Variants in HTT observed in about 807,000 individuals in gnomAD.
HTT encodes the protein huntingtin.
HTT carries 104 observed loss-of-function variants against 362.3 expected under a neutral mutation model. The ratio of observed to expected loss-of-function variants is 0.29; its 90% CI spans 0.24 to 0.34. The LOEUF is 0.34. HTT is among the 10% of genes least tolerant of loss of function. HTT has a pLI of 1.00. For synonymous variants in HTT, 1,577 were observed against 1,548.7 expected (o/e 1.02, Z -0.43); for missense variants, 3,301 against 3,928.6 (o/e 0.84, Z 4.27).
At chr4:3,154,247 A>T (rs41264729) in intron 26 of HTT, 46 bp from the exon 27 acceptor site, 33,708 of 1,428,782 alleles carry the variant, frequency 0.024, 478 homozygotes, top group Non-Finnish European at 0.028. Flanking sequence ...TACTTCCATC[A>T]CATGTTTTTG....
intron 29 of HTT, among the ~76,000 whole-genome samples, chr4:3,166,218 G>T (rs977527804): frequency 7.2e-5 from 11 of 152,334 alleles, no homozygotes; most frequent in African/African-American, 2.6e-4. Context: ...TCCAGGCCCT[G>T]TTTGCCTGGG....
At chr4:3,235,825 A>G (rs1721500177) in intron 63 of HTT, 47 bp downstream of exon 63, 1 of 1,440,952 alleles carries the variant, frequency 6.9e-7, no homozygotes, top group African/African-American at 1.4e-5. Context: ...GTCCTGTTCA[A>G]GGGAGGCAGG....
intron 46 of HTT, 86 bp from the exon 47 acceptor site, chr4:3,209,741 A>G: frequency 1.3e-6 from 2 of 1,542,182 alleles, no homozygotes; most frequent in Non-Finnish European, 1.8e-6. Context: ...GTTCCCAAGC[A>G]CTGGCCTAGG....
At position 3,132,683 on chromosome 4, in the gene HTT, C is replaced by T. The variant is rs778548023; in HGVS notation, c.2358C>T (p.His786=). The T allele has an allele frequency of 6.9e-5, 112 of 1,614,032 alleles. No individual in the cohort carries two copies. The highest frequency in any genetic ancestry group is 8.3e-5 in the Admixed American group (5 of 59,996). ...ICSILSRSRF[H]VGDWMGTIRT... ...CCATCCTCAGCAGGTCCCGCTTCCA[C>T]GTGGGAGATTGGATGGGCACCATTA... The change falls in exon 17 of 67, where the codon CAC becomes CAT. Residue 786 remains histidine (H), a synonymous_variant. Transcript: ENST00000355072.
rs1397548242 is a variant in HTT, at chr4:3,136,325, A to C, written c.2797A>C (p.Arg933=). 2.6e-6 allele frequency: 4 copies of C among 1,538,808 alleles called. No homozygotes were observed. In the South Asian group the frequency reaches 4.5e-5, roughly 17 times the overall value. The change falls in exon 21 of 67, where the codon AGG becomes CGG. Residue 933 remains arginine, a splice_region_variant and synonymous_variant. Transcript: ENST00000355072. Reference sequence around the variant, plus strand: ...ACATGTTGCCGCAGCATCACTAATTAGGTATTTACCAATATTTTATCTCTT... The same window carrying C: ...ACATGTTGCCGCAGCATCACTAATTCGGTATTTACCAATATTTTATCTCTT... The part of the protein sequence containing the change: ...VRHVAAASLI[R]LVPKLFYKCD...
At chr4:3,234,407 A>G (rs972241355) in intron 61 of HTT, among the ~76,000 whole-genome samples, 1 of 152,218 alleles carries the variant, frequency 6.6e-6, no homozygotes, top group Non-Finnish European at 1.5e-5. Context: ...GCATCCCTGG[A>G]GCCTGGCATA....
Position 3,214,035 on chromosome 4 carries a change from G to A in HTT, c.6852G>A (p.Leu2284=). 6.2e-7 allele frequency: 1 copy of A among 1,609,516 alleles called. No homozygotes were observed. ...DLQAGLDCCC[L]ALQLPGLWSV... ...AGGCAGGGCTGGACTGCTGCTGCCT[G>A]GCCCTGCAGCTGCCTGGCCTCTGGA... is the stretch of plus-strand genomic sequence containing the variant. Residue 2284 remains leucine, a synonymous_variant, in exon 50 of 67, where the codon CTG becomes CTA. Transcript: ENST00000355072.
chr4:3,225,881 G>A (rs1223626955), intron 57 of HTT, 138 bp downstream of exon 57: 1 of 638,860 alleles, frequency 1.6e-6, no homozygotes, highest in African/African-American at 1.8e-5. Context: ...AAAATTTAAT[G>A]TTCATTGTTT....
chr4:3,094,397 G>A (rs181868149), intron 2 of HTT, among the ~76,000 whole-genome samples: 23 of 152,222 alleles, frequency 1.5e-4, no homozygotes, highest in Non-Finnish European at 2.6e-4. Context: ...AACTGCCACC[G>A]TCATCATGGA....
intron 20 of HTT, 113 bp from the exon 21 acceptor site, chr4:3,136,113 T>C (rs1716053128): frequency 3.4e-6 from 3 of 891,068 alleles, no homozygotes; most frequent in African/African-American, 1.7e-5. Flanking sequence ...TCTTGTCATA[T>C]GGATTTAAGT....
In HTT at chr4:3,116,128, T is replaced by G. The variant is rs953132148; in HGVS notation, c.933T>G (p.Ile311Met). ...AGGATGAACACTCCACTCTGCTGATTCTTGGCGTGCTGCTCACCCTGAGGT... is the reference window on the plus strand; with the variant it reads ...AGGATGAACACTCCACTCTGCTGATGCTTGGCGTGCTGCTCACCCTGAGGT... The part of the protein sequence containing the change: ...PVEDEHSTLL[I>M]LGVLLTLRYL... Residue 311 changes from isoleucine (I) to methionine (M), a missense_variant, in exon 8 of 67, where the codon ATT (isoleucine) becomes ATG (methionine). By Grantham distance (10) the Ile-to-Met change is conservative. Transcript: ENST00000355072. 1 of 1,613,684 alleles carries G rather than the reference T, an allele frequency of 6.2e-7. No homozygotes were observed. Among genetic ancestry groups the G allele is most frequent in the African/African-American group, 1.3e-5 (1 of 75,058 alleles).
chr4:3,208,559 G>A (rs1231132572), intron 45 of HTT, among the ~76,000 whole-genome samples: 1 of 152,162 alleles, frequency 6.6e-6, no homozygotes, highest in Non-Finnish European at 1.5e-5. Context: ...AAGTAAACTA[G>A]GGCCTGCATT....
intron 2 of HTT, among the ~76,000 whole-genome samples, chr4:3,093,469 T>C (rs1367089805): frequency 6.6e-6 from 1 of 152,154 alleles, no homozygotes; most frequent in East Asian, 1.9e-4. Context: ...AGAGCAGAAA[T>C]TGACATGTAT....
intron 21 of HTT, among the ~76,000 whole-genome samples, chr4:3,138,820 C>G (rs1345152164): frequency 4.6e-5 from 7 of 152,154 alleles, no homozygotes; most frequent in Non-Finnish European, 1.0e-4. Flanking sequence ...ACCATGTTGG[C>G]CAGACTGGTC....
At chr4:3,156,708 G>A (rs956645119) in intron 27 of HTT, among the ~76,000 whole-genome samples, 2 of 152,128 alleles carry the variant, frequency 1.3e-5, no homozygotes, top group African/African-American at 4.8e-5. Context: ...ATTACTTGGT[G>A]TGCTCATGAA....
At chr4:3,239,226 G>T (rs1721691680) in intron 66 of HTT, among the ~76,000 whole-genome samples, 1 of 152,218 alleles carries the variant, frequency 6.6e-6, no homozygotes, top group Non-Finnish European at 1.5e-5. Context: ...GGGCCTTTCT[G>T]TGGAGGGCCT....
At position 3,182,331 on chromosome 4, in the gene HTT, T is replaced by C. The variant is rs549962509; in HGVS notation, c.4750-23T>C. On this transcript the variant is annotated intron_variant, in intron 36 of 66. Coordinates refer to ENST00000355072, the MANE Select transcript of HTT (RefSeq NM_001388492.1). ...AAAGGCGTCTCTTGGCAGCAGACTT[T>C]CTAATTGTGCACGCTCTTATAGGTG... 2.6e-6 allele frequency: 4 copies of C among 1,517,426 alleles called. No homozygotes were observed. The Admixed American group carries it at 5.0e-5, about 19-fold the overall frequency. The allele number at this position is 1,517,426 out of a possible 1,614,324, so 94.0% of individuals were successfully genotyped here. A position where few individuals can be genotyped will look rare whatever the true frequency, so the allele number is the denominator to read the frequency against.
intron 5 of HTT, among the ~76,000 whole-genome samples, chr4:3,106,918 C>G (rs772982263): frequency 6.6e-6 from 1 of 152,178 alleles, no homozygotes; most frequent in Non-Finnish European, 1.5e-5. Context: ...CCCCACAACC[C>G]CATTTTATAA....
chr4:3,235,236 C>T (rs1259530473), intron 61 of HTT, 48 bp from the exon 62 acceptor site: 1 of 1,295,732 alleles, frequency 7.7e-7, no homozygotes, highest in Admixed American at 1.7e-5. Context: ...AAGCCCTCTC[C>T]ACGTTGGATG....
Sources: allele counts gnomAD v4.1 joint callset (sites outside exome capture counted in the v4.1 genomes callset), GRCh38; gene constraint gnomAD v4.1.1; transcripts MANE v1.5; gene names NCBI Gene and HGNC (gene_info 2026-07-23, HGNC 2026-07-21).